DIAPH2: variants seen among roughly 807,000 people sequenced by gnomAD.
DIAPH2 encodes the protein diaphanous related formin 2, also known as protein diaphanous homolog 2.
In DIAPH2, 35 loss-of-function variants were observed where a neutral mutation model predicts 92.7. The observed-to-expected ratio is 0.38, with a 90% CI of 0.29 to 0.50. The LOEUF is 0.50. Among genes scored for constraint, DIAPH2 ranks in the 20% least tolerant of loss-of-function variants. The pLI is 0.94. For synonymous variants in DIAPH2, 301 were observed against 280.4 expected (o/e 1.07, Z -0.73); for missense variants, 701 against 819.5 (o/e 0.86, Z 1.77).
At chrX:96,803,798 G>A (rs943091591) in intron 4 of DIAPH2, among the ~76,000 whole-genome samples, 14 of 111,902 alleles carry the variant, frequency 1.3e-4, no homozygotes, top group Non-Finnish European at 2.4e-4. Context: ...CCAGCACTTT[G>A]GGAGGCTGAG....
chrX:97,143,761 T>C (rs922386826), intron 22 of DIAPH2, among the ~76,000 whole-genome samples: 4 of 111,447 alleles, frequency 3.6e-5, no homozygotes, highest in Non-Finnish European at 7.5e-5. Flanking sequence ...TGTCTATCAA[T>C]GGATTAATGG....
chrX:96,719,802 T>TA (rs1164728444), intron 1 of DIAPH2, among the ~76,000 whole-genome samples: 2 of 112,117 alleles, frequency 1.8e-5, no homozygotes, highest in Non-Finnish European at 3.8e-5. Flanking sequence ...AGTTACCATT[T>TA]AAAAAAAATT....
chrX:97,595,580 C>CTCTT lies in DIAPH2; in HGVS notation c.3242-3657_3242-3654dup, dbSNP rs200865006. Among the ~76,000 whole-genome samples the CTCTT allele has an allele frequency of 6.4e-5, 7 of 110,162 alleles. No individual in the cohort carries two copies. The South Asian group carries it at 1.2e-3, about 18-fold the overall frequency. ...TTTCTTTTCTTTCTTTCTTTTTCCT[C>CTCTT]TCTTTCTTTCTTTCTTTCTCTTTCT... On this transcript the variant is annotated intron_variant, in intron 26 of 26. Transcript: ENST00000324765.
chrX:96,849,521 A>G (rs1013704838), intron 4 of DIAPH2, among the ~76,000 whole-genome samples: 2 of 111,477 alleles, frequency 1.8e-5, no homozygotes, highest in African/African-American at 6.5e-5. Context: ...TAGGATGCCC[A>G]CTATTTGTGT....
chrX:97,322,497 C>A (rs760833415), intron 23 of DIAPH2, among the ~76,000 whole-genome samples: 1 of 111,020 alleles, frequency 9.0e-6, no homozygotes, highest in South Asian at 3.8e-4. Context: ...GTTTTATAAC[C>A]ATTCATCTCT....
chrX:96,745,784 A>G (rs1175175911), intron 3 of DIAPH2, among the ~76,000 whole-genome samples: 3 of 112,291 alleles, frequency 2.7e-5, no homozygotes, highest in African/African-American at 9.7e-5. Flanking sequence ...TCTGGCATCT[A>G]TTCTGTGCAT....
chrX:97,574,824 A>G (rs2071391178), intron 26 of DIAPH2, among the ~76,000 whole-genome samples: 1 of 112,110 alleles, frequency 8.9e-6, no homozygotes, highest in African/African-American at 3.2e-5. Context: ...GGCTAGATAT[A>G]CATTGTAGAA....
intron 20 of DIAPH2, among the ~76,000 whole-genome samples, chrX:97,107,091 G>A (rs1269050590): frequency 8.9e-6 from 1 of 112,471 alleles, no homozygotes; most frequent in Admixed American, 9.4e-5. Context: ...AAAGACAAGT[G>A]AATGGTTGTT....
intron 17 of DIAPH2, among the ~76,000 whole-genome samples, chrX:97,040,279 C>T (rs777609239): frequency 3.7e-5 from 4 of 108,359 alleles, no homozygotes; most frequent in South Asian, 4.1e-4. Flanking sequence ...TGCCACCTAA[C>T]GTCTAGATCT....
At chrX:97,445,714 C>T (rs1226331851) in intron 26 of DIAPH2, among the ~76,000 whole-genome samples, 2 of 110,062 alleles carry the variant, frequency 1.8e-5, no homozygotes, top group Admixed American at 9.7e-5. Flanking sequence ...TCCCAAAGTG[C>T]TGGGATTACA....
intron 22 of DIAPH2, among the ~76,000 whole-genome samples, chrX:97,230,424 G>A (rs937822052): frequency 1.8e-5 from 2 of 111,764 alleles, no homozygotes; most frequent in African/African-American, 6.5e-5. Flanking sequence ...AACTTAAAAG[G>A]AAAGAGCCAG....
intron 23 of DIAPH2, among the ~76,000 whole-genome samples, chrX:97,323,706 C>A (rs1179008863): frequency 9.4e-6 from 1 of 106,632 alleles, no homozygotes; most frequent in Non-Finnish European, 1.9e-5. Context: ...GAGTTCGACA[C>A]CAGCCTGACC....
intron 21 of DIAPH2, among the ~76,000 whole-genome samples, chrX:97,135,250 G>A (rs1478366087): frequency 9.0e-6 from 1 of 111,405 alleles, no homozygotes; most frequent in Non-Finnish European, 1.9e-5. Flanking sequence ...CCAGGCTGGA[G>A]TGCAGTGGCG....
Position 96,869,808 on chromosome X carries a change from T to G in DIAPH2, c.448-11771T>G, listed in dbSNP as rs565302972. Among the ~76,000 whole-genome samples, 225 of 110,743 alleles carry G rather than the reference T, an allele frequency of 2.0e-3. 7 individuals are homozygous for G. In the South Asian group the frequency reaches 0.076, roughly 38 times the overall value. ...TTAAGTGCTTATTATATACCAGACC[T>G]TATGTTTGACCAGGATCCTTATTTC... On this transcript the variant is annotated intron_variant, in intron 4 of 26. Coordinates refer to ENST00000324765, the MANE Select transcript of DIAPH2 (RefSeq NM_006729.5).
chrX:97,359,495 C>T (rs974551235), intron 24 of DIAPH2, among the ~76,000 whole-genome samples: 3 of 104,959 alleles, frequency 2.9e-5, no homozygotes, highest in Non-Finnish European at 5.8e-5. Flanking sequence ...CTGTCATCCT[C>T]TTCTTGAATC....
intron 4 of DIAPH2, among the ~76,000 whole-genome samples, chrX:96,807,481 C>T (rs934998284): frequency 1.8e-5 from 2 of 111,292 alleles, no homozygotes; most frequent in African/African-American, 3.3e-5. Context: ...TAACGTGGAG[C>T]GGTAGCCTTA....
chrX:97,010,359 G>T (rs1241878971), intron 17 of DIAPH2, among the ~76,000 whole-genome samples: 1 of 111,001 alleles, frequency 9.0e-6, no homozygotes, highest in African/African-American at 3.3e-5. Flanking sequence ...GGATGGGGGG[G>T]ATGGTGTTGG....
At chrX:97,137,270 C>CATATATATATAT (rs57799375) in intron 21 of DIAPH2, among the ~76,000 whole-genome samples, 1,167 of 68,037 alleles carry the variant, frequency 0.017, 41 homozygotes, top group African/African-American at 0.046. Context: ...CGCAGTTATA[C>CATATATATATAT]ATATATATAT....
At chrX:97,421,598 A>G (rs768463217) in intron 25 of DIAPH2, among the ~76,000 whole-genome samples, 1 of 112,072 alleles carries the variant, frequency 8.9e-6, no homozygotes, top group Non-Finnish European at 1.9e-5. Flanking sequence ...TCTTTTACCA[A>G]TAATGACCAA....
Sources: allele counts gnomAD v4.1 joint callset (sites outside exome capture counted in the v4.1 genomes callset), GRCh38; gene constraint gnomAD v4.1.1; transcripts MANE v1.5; gene names NCBI Gene and HGNC (gene_info 2026-07-23, HGNC 2026-07-21).